TET2: variants seen among roughly 807,000 people sequenced by gnomAD.
The protein encoded by TET2 is tet methylcytosine dioxygenase 2.
TET2 carries 299 observed loss-of-function variants against 142.9 expected under a neutral mutation model. The ratio of observed to expected loss-of-function variants is 2.09; its 90% CI spans 1.90 to 2.30. The LOEUF (loss-of-function observed/expected upper bound fraction) is 2.30, where lower values mean the gene tolerates loss of function less well. Ranked by LOEUF, TET2 falls within the 30% of genes most tolerant of loss-of-function variation. The pLI, the probability that TET2 is intolerant of heterozygous loss-of-function variation, is 0.00. For synonymous variants in TET2, 819 were observed against 849.0 expected, an observed-to-expected ratio of 0.96 and a Z score of 0.61; for missense variants, 2,418 against 2,378.0, an observed-to-expected ratio of 1.02 and a Z score of -0.35.
At position 105,272,893 on chromosome 4, in the gene TET2, C is replaced by T. The variant is rs376834171; in HGVS notation, c.4512C>T (p.Asn1504=). The change falls in exon 10 of 11, where the codon AAC becomes AAT. Residue 1504 remains asparagine, a synonymous_variant. Transcript: ENST00000380013. ...SAPSRTKQTE[N]ASQAKQLAEL... is the part of the protein sequence containing the mutation. The stretch of plus-strand genomic sequence containing the variant: ...CATCACGTACAAAACAAACTGAAAA[C>T]GCAAGCCAGGCTAAACAGTTGGCAG... 170 of 1,542,690 alleles carry T rather than the reference C, an allele frequency of 1.1e-4. No homozygotes were observed. The highest frequency in any genetic ancestry group is 1.3e-4 in the Non-Finnish European group (152 of 1,143,928).
chr4:105,246,874 G>T (rs146773349), intron 6 of TET2, among the ~76,000 whole-genome samples: 13 of 152,230 alleles, frequency 8.5e-5, no homozygotes, highest in Non-Finnish European at 1.8e-4. Flanking sequence ...AGTAAAAACT[G>T]ATTTTTACAT....
At chr4:105,241,924 C>A in intron 4 of TET2, 2 of 1,217,702 alleles carry the variant, frequency 1.6e-6, no homozygotes, top group Non-Finnish European at 1.0e-6. Flanking sequence ...GAGAAACATA[C>A]TATTTACAGC....
At chr4:105,274,026 T>C (rs1335008815) in intron 10 of TET2, among the ~76,000 whole-genome samples, 2 of 152,224 alleles carry the variant, frequency 1.3e-5, no homozygotes, top group African/African-American at 2.4e-5. Flanking sequence ...TCTCTACTGA[T>C]TCATTTCCAA....
At chr4:105,259,555 A>ATATC (rs1730313468) in intron 6 of TET2, 64 bp from the exon 7 acceptor site, 1 of 1,472,588 alleles carries the variant, frequency 6.8e-7, no homozygotes, top group Non-Finnish European at 9.1e-7. Flanking sequence ...GACACCTATA[A>ATATC]TATCAGCTGC....
chr4:105,262,839 C>A (rs941945126), intron 8 of TET2, among the ~76,000 whole-genome samples: 6 of 151,642 alleles, frequency 4.0e-5, no homozygotes, highest in Admixed American at 3.9e-4. Flanking sequence ...CGAAGTCAAA[C>A]CATTGCACTC....
At chr4:105,271,023 ACTCTT>A (rs1344975255) in intron 9 of TET2, among the ~76,000 whole-genome samples, 1 of 151,744 alleles carries the variant, frequency 6.6e-6, no homozygotes, top group Non-Finnish European at 1.5e-5. Context: ...AGATTGGAAA[ACTCTT>A]CTCTATAAAG....
rs2110333666 is a variant in TET2 at position 105,146,891 on chromosome 4, G to A, written c.-281G>A. ...GGCTGCTTTCGTAGAGAAGCAGAAG[G>A]AAGCAAGATGGCTGCCCTTTAGGAT... On this transcript the variant is annotated 5_prime_UTR_variant, in exon 1 of 11. Transcript: ENST00000380013. 6.6e-6 allele frequency: 1 copy of A among 152,586 alleles called. No homozygotes were observed. The highest frequency in any genetic ancestry group is 2.4e-5 in the African/African-American group (1 of 41,596). The allele number at this position is 152,586 out of a possible 1,614,324, so 9.5% of individuals were successfully genotyped here.
At chr4:105,254,537 A>T (rs1730026848) in intron 6 of TET2, among the ~76,000 whole-genome samples, 1 of 152,022 alleles carries the variant, frequency 6.6e-6, no homozygotes. Context: ...TCAGCCTCCC[A>T]AGTAGCTCGG....
chr4:105,234,914 A>G lies in TET2; in HGVS notation c.972A>G (p.Gln324=), dbSNP rs35215495. ...TTCAGAAACCAGAACAACTACAACA[A>G]CAAAAATCAGTTTTTGAGATATGCC... The part of the protein sequence containing the change: ...CSFQKPEQLQ[Q]QKSVFEICPS... The change falls in exon 3 of 11, where the codon CAA becomes CAG. Residue 324 remains glutamine (Q), a synonymous_variant. Coordinates refer to ENST00000380013, the MANE Select transcript of TET2 (RefSeq NM_001127208.3). 1.0e-3 allele frequency: 1,673 copies of G among 1,614,108 alleles called. 9 individuals carry two copies. Among genetic ancestry groups the G allele is most frequent in the Non-Finnish European group, 4.1e-4 (478 of 1,179,996 alleles).
intron 1 of TET2, among the ~76,000 whole-genome samples, chr4:105,184,115 T>C (rs1464116838): frequency 2.0e-5 from 3 of 152,220 alleles, no homozygotes; most frequent in Non-Finnish European, 4.4e-5. Flanking sequence ...GAAAAGTTTG[T>C]GTTTCAGATG....
At chr4:105,231,660 CTTGT>C (rs1019857032) in intron 2 of TET2, among the ~76,000 whole-genome samples, 1 of 152,008 alleles carries the variant, frequency 6.6e-6, no homozygotes, top group Non-Finnish European at 1.5e-5. Flanking sequence ...TTTCATTTTT[CTTGT>C]TTATCAAGAA....
chr4:105,279,178 A>G lies in TET2; in HGVS notation c.*2659A>G, dbSNP rs1215088356. 2 of 232,416 alleles carry G rather than the reference A, an allele frequency of 8.6e-6. No homozygotes were observed. Among genetic ancestry groups the G allele is most frequent in the Non-Finnish European group, 1.7e-5 (2 of 117,662 alleles). 14.4% of individuals were successfully genotyped at this position (232,416 alleles called of 1,614,324 possible). On this transcript the variant is annotated 3_prime_UTR_variant, in exon 11 of 11. Coordinates refer to ENST00000380013, the MANE Select transcript of TET2 (RefSeq NM_001127208.3). Reference sequence around the variant, plus strand: ...CATAATATCTAGCCCCAAACATTTGATTACTACATGTGCATTGGTGATTTT... The same window carrying G: ...CATAATATCTAGCCCCAAACATTTGGTTACTACATGTGCATTGGTGATTTT...
intron 5 of TET2, 144 bp downstream of exon 5, chr4:105,243,071 C>G (rs1729392243): frequency 8.5e-6 from 6 of 708,546 alleles, no homozygotes; most frequent in South Asian, 3.4e-5. Flanking sequence ...TGTGTTATCT[C>G]TTAAGAAGAG....
rs995121066 is a variant in TET2, at chr4:105,190,687, G to T, written c.-47+182G>T. 21 of 550,582 alleles carry T rather than the reference G, an allele frequency of 3.8e-5. No homozygotes were observed. In the East Asian group the frequency reaches 6.1e-4, roughly 16 times the overall value. The allele number at this position is 550,582 out of a possible 1,614,324, so 34.1% of individuals were successfully genotyped here. On this transcript the variant is annotated intron_variant, in intron 2 of 10. Coordinates refer to ENST00000380013, the MANE Select transcript of TET2 (RefSeq NM_001127208.3). ...TAAGATTTGTGAATTTACTAAAGTT[G>T]TGTACTGACTTATGTATAGCTGTAT...
Position 105,230,086 on chromosome 4 carries a change from G to A in TET2, c.-46-3811G>A, listed in dbSNP as rs979662858. Among the ~76,000 whole-genome samples, 6 of 151,940 alleles carry A rather than the reference G, an allele frequency of 3.9e-5. 1 individual carries two copies. Among genetic ancestry groups the A allele is most frequent in the Admixed American group, 3.9e-4 (6 of 15,262 alleles). The stretch of plus-strand genomic sequence containing the variant: ...AGACAGTGTCTCACTCTGTCACCCA[G>A]GCTGGAGTGCAGCATCACAATCTCA... On this transcript the variant is annotated intron_variant, in intron 2 of 10. Transcript: ENST00000380013.
At chr4:105,163,848 A>T (rs62331153) in intron 1 of TET2, among the ~76,000 whole-genome samples, 2,102 of 113,082 alleles carry the variant, frequency 0.019, 15 homozygotes, top group Middle Eastern at 0.073. Flanking sequence ...AGAGAGAGAG[A>T]GAGAGAGTGT....
At chr4:105,207,251 A>G (rs1024659325) in intron 2 of TET2, among the ~76,000 whole-genome samples, 14 of 152,198 alleles carry the variant, frequency 9.2e-5, no homozygotes, top group African/African-American at 3.4e-4. Flanking sequence ...GTGAGTTTTT[A>G]GTTTGGATAA....
intron 8 of TET2, among the ~76,000 whole-genome samples, chr4:105,266,707 C>T (rs1404556301): frequency 6.6e-6 from 1 of 151,590 alleles, no homozygotes; most frequent in Non-Finnish European, 1.5e-5. Flanking sequence ...AGAAATTTTT[C>T]AGTATAAAGA....
chr4:105,158,088 T>C (rs1279346108), intron 1 of TET2, among the ~76,000 whole-genome samples: 8 of 152,248 alleles, frequency 5.3e-5, no homozygotes, highest in Admixed American at 2.6e-4. Flanking sequence ...TTTAAACATA[T>C]ATTGTAATTT....
Sources: gnomAD v4.1 joint callset for allele counts (sites outside exome capture counted in the v4.1 genomes callset) on GRCh38, gnomAD v4.1.1 for gene constraint, MANE v1.5 for transcripts, NCBI Gene and HGNC (gene_info 2026-07-23, HGNC 2026-07-21) for gene names.